The following CSMD3 variants were observed in gnomAD, a reference collection of about 807,000 sequenced individuals.
CSMD3 encodes the protein CUB and Sushi multiple domains 3, also known as CUB and sushi domain-containing protein 3.
A neutral mutation model predicts 435.2 loss-of-function variants in CSMD3; 177 were observed. The ratio of observed to expected loss-of-function variants is 0.41; its 90% CI spans 0.36 to 0.46. The LOEUF (loss-of-function observed/expected upper bound fraction) is 0.46, where lower values mean the gene tolerates loss of function less well. Among genes scored for constraint, CSMD3 ranks in the 20% least tolerant of loss-of-function variants. The pLI, the probability that CSMD3 is intolerant of heterozygous loss-of-function variation, is 0.34. For missense variants in CSMD3, 4,265 were observed against 4,504.6 expected (o/e 0.95, Z 1.52); for synonymous variants, 1,656 against 1,520.5 (o/e 1.09, Z -2.07).
At chr8:113,408,871 A>C (rs1038863683) in intron 1 of CSMD3, among the ~76,000 whole-genome samples, 1 of 151,832 alleles carries the variant, frequency 6.6e-6, no homozygotes, top group Non-Finnish European at 1.5e-5. Context: ...CGCCATGTTG[A>C]CCAGGCTGCT....
intron 12 of CSMD3, among the ~76,000 whole-genome samples, chr8:112,809,769 G>T (rs1362805411): frequency 6.6e-6 from 1 of 151,808 alleles, no homozygotes; most frequent in Non-Finnish European, 1.5e-5. Context: ...CTGACCTACT[G>T]TTTCTTAAAG....
At chr8:112,832,882 C>T (rs1365841308) in intron 11 of CSMD3, among the ~76,000 whole-genome samples, 1 of 152,084 alleles carries the variant, frequency 6.6e-6, no homozygotes, top group Non-Finnish European at 1.5e-5. Flanking sequence ...CCAATATGAA[C>T]ATCCAGTTGT....
At chr8:113,217,535 G>A (rs981117129) in intron 3 of CSMD3, among the ~76,000 whole-genome samples, 10 of 151,638 alleles carry the variant, frequency 6.6e-5, no homozygotes, top group African/African-American at 2.2e-4. Context: ...AAAAACATTA[G>A]AAATCTTAGA....
chr8:112,864,156 A>G (rs2080908220), intron 10 of CSMD3, among the ~76,000 whole-genome samples: 1 of 152,190 alleles, frequency 6.6e-6, no homozygotes, highest in Non-Finnish European at 1.5e-5. Flanking sequence ...AATATGCTGT[A>G]TTATTTTCAA....
chr8:113,253,126 A>G (rs2093348766), intron 3 of CSMD3, among the ~76,000 whole-genome samples: 3 of 152,072 alleles, frequency 2.0e-5, no homozygotes, highest in Non-Finnish European at 4.4e-5. Context: ...ACATTTCCCA[A>G]ACCAGGACTG....
At chr8:113,323,931 G>A (rs1032452413) in intron 1 of CSMD3, among the ~76,000 whole-genome samples, 1 of 152,136 alleles carries the variant, frequency 6.6e-6, no homozygotes, top group African/African-American at 2.4e-5. Flanking sequence ...ATACATGAAT[G>A]AATGAATACA....
chr8:112,379,527 G>C (rs1054770077), intron 38 of CSMD3, among the ~76,000 whole-genome samples: 10 of 151,852 alleles, frequency 6.6e-5, no homozygotes, highest in African/African-American at 2.4e-4. Flanking sequence ...AGATACAAAA[G>C]ACACAAATAA....
At chr8:113,310,838 TAAAAGAA>T (rs1253048383) in intron 2 of CSMD3, 1 of 151,774 alleles carries the variant, frequency 6.6e-6, no homozygotes, top group East Asian at 1.9e-4. Flanking sequence ...GAATTAATTA[TAAAAGAA>T]AAAACAAAAA....
In CSMD3 at chr8:112,281,316, A is replaced by G. The variant is rs553928728; in HGVS notation, c.9366T>C (p.Asn3122=). ...VQCGNPGTTA[N]GKVFRIDGTT... The stretch of plus-strand genomic sequence containing the variant: ...TGCCATCAATTCGGAAGACTTTCCC[A>G]TTGGCTGTGGTTCCTGGGTTACCAC... The change falls in exon 59 of 71, where the codon AAT becomes AAC. Residue 3122 remains asparagine, a synonymous_variant. Transcript: ENST00000297405. 15 of 1,613,498 alleles carry G rather than the reference A, an allele frequency of 9.3e-6. No individual in the cohort carries two copies. The South Asian group carries it at 1.2e-4, about 13-fold the overall frequency.
chr8:112,953,717 C>T (rs945856511), intron 8 of CSMD3, among the ~76,000 whole-genome samples: 2 of 151,034 alleles, frequency 1.3e-5, no homozygotes, highest in African/African-American at 4.8e-5. Context: ...ATGTACAAGT[C>T]AATAAACATA....
rs543341329 is a variant in CSMD3, at chr8:112,594,187, G to A, written c.3716-6952C>T. Among the ~76,000 whole-genome samples, 215 of 152,298 alleles carry A rather than the reference G, an allele frequency of 1.4e-3. 3 individuals are homozygous for A. The highest frequency in any genetic ancestry group is 5.0e-3 in the African/African-American group (208 of 41,576). On this transcript the variant is annotated intron_variant, in intron 22 of 70. Coordinates refer to ENST00000297405, the MANE Select transcript of CSMD3 (RefSeq NM_198123.2). ...CACCGTGTGCGAGCCGAAGCAGGGC[G>A]AGGCATTGCCTCACTTGGGAAGCCC...
At chr8:113,325,135 G>A (rs1297111276) in intron 1 of CSMD3, among the ~76,000 whole-genome samples, 1 of 152,172 alleles carries the variant, frequency 6.6e-6, no homozygotes, top group Non-Finnish European at 1.5e-5. Context: ...ATGAGACTTT[G>A]GACTACGGAC....
At chr8:113,068,052 G>A (rs2088938628) in intron 5 of CSMD3, among the ~76,000 whole-genome samples, 1 of 152,112 alleles carries the variant, frequency 6.6e-6, no homozygotes, top group South Asian at 2.1e-4. Flanking sequence ...GTGTTCCAAT[G>A]TTTTAAAACA....
Position 112,224,830 on chromosome 8 carries a change from C to G in CSMD3, c.11065G>C (p.Val3689Leu), listed in dbSNP as rs1297314890. The G allele has an allele frequency of 6.2e-7, 1 of 1,614,144 alleles. No individual in the cohort carries two copies. The highest frequency in any genetic ancestry group is 2.2e-5 in the East Asian group (1 of 44,878). The change falls in exon 71 of 71, where the codon GTG (valine) becomes CTG (leucine). Residue 3689 changes from valine to leucine, a missense_variant. Around this residue, in one of 3 missense-constraint regions of CSMD3, gnomAD observed 3,255 missense variants for 3,380.2 expected, o/e 0.96. Transcript: ENST00000297405. The stretch of plus-strand genomic sequence containing the variant: ...TCAAATCGTACCGCCTTCCCTTCCA[C>G]TGACTTTGCGTTGGTGTCATACATG... ...NPMYDTNAKS[V>L]EGKAVRFDPN... is the part of the protein sequence containing the mutation.
At chr8:112,654,968 C>G (rs959469291) in intron 18 of CSMD3, among the ~76,000 whole-genome samples, 3 of 152,260 alleles carry the variant, frequency 2.0e-5, no homozygotes, top group African/African-American at 7.2e-5. Flanking sequence ...AGTTAAGGCA[C>G]TTTAGTTCAT....
At chr8:112,806,973 T>C (rs535640703) in intron 12 of CSMD3, among the ~76,000 whole-genome samples, 61 of 152,234 alleles carry the variant, frequency 4.0e-4, no homozygotes, top group African/African-American at 1.3e-3. Flanking sequence ...TGCTGCACAA[T>C]TGATTTACAG....
chr8:113,420,800 T>A (rs981654525), intron 1 of CSMD3, among the ~76,000 whole-genome samples: 1 of 151,756 alleles, frequency 6.6e-6, no homozygotes, highest in Non-Finnish European at 1.5e-5. Flanking sequence ...AATAAAAAAA[T>A]TAGCAGGGCT....
chr8:112,512,838 T>C (rs1299460185), intron 28 of CSMD3, among the ~76,000 whole-genome samples: 1 of 152,242 alleles, frequency 6.6e-6, no homozygotes, highest in Non-Finnish European at 1.5e-5. Flanking sequence ...CTTTCATCAG[T>C]GATCTTAGCT....
rs74711611 is a variant in CSMD3, at chr8:113,341,684, A to C, written c.179-26891T>G. ...CAAATTTGATTCCCGAAGGAGTTAA[A>C]CTTATTATTTGACATTTCATTTTTA... On this transcript the variant is annotated intron_variant, in intron 1 of 70. Transcript: ENST00000297405. Among the ~76,000 whole-genome samples the C allele has an allele frequency of 8.7e-3, 1,327 of 152,192 alleles. 19 individuals carry two copies. Among genetic ancestry groups the C allele is most frequent in the African/African-American group, 0.03 (1,242 of 41,524 alleles).
Sources: allele counts gnomAD v4.1 joint callset (sites outside exome capture counted in the v4.1 genomes callset), GRCh38; gene constraint gnomAD v4.1.1; regional missense constraint gnomAD v4.1.1; transcripts MANE v1.5; gene names NCBI Gene and HGNC (gene_info 2026-07-23, HGNC 2026-07-21).